Variants in BMP10 observed in about 807,000 individuals in gnomAD.
BMP10 encodes the protein bone morphogenetic protein 10.
Under a neutral mutation model 29.9 loss-of-function variants are expected in BMP10, and 9 were observed. That is an observed-to-expected ratio of 0.30 (90% confidence interval 0.18 to 0.53). The LOEUF (loss-of-function observed/expected upper bound fraction) is 0.53. Ranked by LOEUF, BMP10 falls within the 20% of genes least tolerant of loss-of-function variation. The probability of loss-of-function intolerance (pLI) is 0.96; values close to 1 mark genes in which losing one functional copy is unlikely to be tolerated. For synonymous variants in BMP10, 202 were observed against 200.2 expected (o/e 1.01, Z -0.07); for missense variants, 474 against 524.3 (o/e 0.90, Z 0.94).
intron 1 of BMP10, 68 bp from the exon 2 acceptor site, chr2:68,866,639 G>T: frequency 8.2e-7 from 1 of 1,216,966 alleles, no homozygotes; most frequent in Non-Finnish European, 1.1e-6. Flanking sequence ...GCTTATTTAT[G>T]TAATAAGAAG....
At chr2:68,867,609 G>A (rs1161075267) in intron 1 of BMP10, among the ~76,000 whole-genome samples, 1 of 152,140 alleles carries the variant, frequency 6.6e-6, no homozygotes, top group Non-Finnish European at 1.5e-5. Flanking sequence ...CAAAGCTCCT[G>A]CACACTTGCC....
rs768724792 is a variant in BMP10 at position 68,871,009 on chromosome 2, A to G, written c.334+16T>C. 1.2e-6 allele frequency: 2 copies of G among 1,601,298 alleles called. No individual in the cohort carries two copies. The highest frequency in any genetic ancestry group is 1.7e-6 in the Non-Finnish European group (2 of 1,171,018). ...TTGAAAAAAATCCTAGCAAAATTTC[A>G]TCAGCAAAAACTTACCTTCATTCTT... On this transcript the variant is annotated intron_variant, in intron 1 of 1. Coordinates refer to ENST00000295379, the MANE Select transcript of BMP10 (RefSeq NM_014482.3).
Position 68,861,924 on chromosome 2 carries a change from T to C in BMP10, c.*3707A>G, listed in dbSNP as rs78540119. On this transcript the variant is annotated 3_prime_UTR_variant, in exon 2 of 2. Transcript: ENST00000295379. ...AACATTTTTGACATTTACAAAGTAA[T>C]TGGTCCAATTACAAATGAATTTGAC... Among the ~76,000 whole-genome samples, 4,177 of 152,308 alleles carry C rather than the reference T, an allele frequency of 0.027. 187 individuals carry two copies. Among genetic ancestry groups the C allele is most frequent in the African/African-American group, 0.095 (3,942 of 41,550 alleles).
intron 1 of BMP10, among the ~76,000 whole-genome samples, chr2:68,867,011 G>C (rs567241259): frequency 6.6e-6 from 1 of 152,104 alleles, no homozygotes; most frequent in Non-Finnish European, 1.5e-5. Flanking sequence ...TTTAATATTT[G>C]TGTTTGTAGT....
At chr2:68,869,445 TTGTTTACTAAGAGATG>T (rs1172157185) in intron 1 of BMP10, among the ~76,000 whole-genome samples, 1 of 152,196 alleles carries the variant, frequency 6.6e-6, no homozygotes, top group African/African-American at 2.4e-5. Flanking sequence ...GGCGGCTGGG[TTGTTTACTAAGAGATG>T]TGTTCCTGCC....
intron 1 of BMP10, among the ~76,000 whole-genome samples, chr2:68,867,895 A>G (rs932053634): frequency 2.0e-5 from 2 of 102,472 alleles, no homozygotes; most frequent in African/African-American, 6.5e-5. Flanking sequence ...GAGAGATTTG[A>G]GGTGATATTT....
rs549976517 is a variant in BMP10 at position 68,864,869 on chromosome 2, C to T, written c.*762G>A. On this transcript the variant is annotated 3_prime_UTR_variant, in exon 2 of 2. Transcript: ENST00000295379. ...CTCCCAACCCCTCTACTCTCTGCAG[C>T]AGCAATGGCCAGTACTCATGGCCTT... 1.6e-4 allele frequency among the ~76,000 whole-genome samples: 24 copies of T among 152,282 alleles called. No individual in the cohort carries two copies. The highest frequency in any genetic ancestry group is 1.4e-3 in the Admixed American group (22 of 15,288).
Position 68,871,389 on chromosome 2 carries a change from G to A in BMP10, c.-31C>T. ...CGCTCGAGCTCCTAGGCCAAGCCAG[G>A]AAGGTTTAGCTTCCCTGGGCTCTAA... is the stretch of plus-strand genomic sequence containing the variant. On this transcript the variant is annotated 5_prime_UTR_variant, in exon 1 of 2. Transcript: ENST00000295379. The A allele has an allele frequency of 6.2e-7, 1 of 1,600,370 alleles. No individual in the cohort carries two copies. Among genetic ancestry groups the A allele is most frequent in the Non-Finnish European group, 8.5e-7 (1 of 1,172,000 alleles).
Position 68,866,208 on chromosome 2 carries a change from T to C in BMP10, c.698A>G (p.Asp233Gly), listed in dbSNP as rs1305280030. ...HIESKHDEAE[D>G]ASSGRLEIDT... ...TATTTCTAGCCGTCCACTGCTGGCA[T>C]CCTCAGCTTCATCGTGTTTGCTCTC... The change falls in exon 2 of 2, where the codon GAT becomes GGT. Residue 233 changes from aspartate (D) to glycine (G), a missense_variant. By Grantham distance (94) the Asp-to-Gly change is moderately conservative (BLOSUM62 -1). This residue lies in a region of BMP10 where 408 missense variants were observed against 415.3 expected (regional missense o/e 0.98). Coordinates refer to ENST00000295379, the MANE Select transcript of BMP10 (RefSeq NM_014482.3). 1.2e-6 allele frequency: 2 copies of C among 1,614,070 alleles called. No homozygotes were observed. The highest frequency in any genetic ancestry group is 1.7e-5 in the Admixed American group (1 of 59,994).
At chr2:68,870,251 A>C (rs1169271362) in intron 1 of BMP10, among the ~76,000 whole-genome samples, 2 of 152,208 alleles carry the variant, frequency 1.3e-5, no homozygotes, top group Admixed American at 6.5e-5. Flanking sequence ...TATTAACCAA[A>C]AAACAAACAA....
At chr2:68,870,870 A>G (rs1274937354) in intron 1 of BMP10, among the ~76,000 whole-genome samples, 155 bp downstream of exon 1, 1 of 152,322 alleles carries the variant, frequency 6.6e-6, no homozygotes. Flanking sequence ...TATAATTGGT[A>G]TAGAACAAAA....
At chr2:68,866,859 C>T (rs1260178712) in intron 1 of BMP10, among the ~76,000 whole-genome samples, 1 of 152,152 alleles carries the variant, frequency 6.6e-6, no homozygotes, top group African/African-American at 2.4e-5. Flanking sequence ...GCTCATCAGC[C>T]ACAGAATTAC....
rs147045696 is a variant in BMP10, at chr2:68,861,584, C to T, written c.*4047G>A. On this transcript the variant is annotated 3_prime_UTR_variant, in exon 2 of 2. Coordinates refer to ENST00000295379, the MANE Select transcript of BMP10 (RefSeq NM_014482.3). ...AGAACTGCAAAGGGTTGAGAATGAC[C>T]CACAGTGACTCTGAAAAGATCTACA... Among the ~76,000 whole-genome samples, 213 of 152,182 alleles carry T rather than the reference C, an allele frequency of 1.4e-3. No individual in the cohort carries two copies. Among genetic ancestry groups the T allele is most frequent in the Middle Eastern group, 0.014 (4 of 294 alleles).
rs7562387 is a variant in BMP10 at position 68,863,665 on chromosome 2, T to C, written c.*1966A>G. On this transcript the variant is annotated 3_prime_UTR_variant, in exon 2 of 2. Transcript: ENST00000295379. ...TGACGGTCAAAACACCACTCTTCCA[T>C]GAGCAATGAATTCCCCAGGATTCAC... Among the ~76,000 whole-genome samples, 12,992 of 152,184 alleles carry C rather than the reference T, an allele frequency of 0.085. 624 individuals carry two copies. Among genetic ancestry groups the C allele is most frequent in the African/African-American group, 0.13 (5,428 of 41,506 alleles).
At chr2:68,870,964 G>C in intron 1 of BMP10, 61 bp downstream of exon 1, 5 of 1,430,470 alleles carry the variant, frequency 3.5e-6, no homozygotes, top group Non-Finnish European at 4.9e-6. Context: ...CCCATGCATT[G>C]TAAATTTACT....
Position 68,865,629 on chromosome 2 carries a change from T to C in BMP10, c.*2A>G. 2.5e-6 allele frequency: 4 copies of C among 1,612,226 alleles called. No individual in the cohort carries two copies. Among genetic ancestry groups the C allele is most frequent in the Non-Finnish European group, 2.5e-6 (3 of 1,178,754 alleles). On this transcript the variant is annotated 3_prime_UTR_variant, in exon 2 of 2. Coordinates refer to ENST00000295379, the MANE Select transcript of BMP10 (RefSeq NM_014482.3). The surrounding 1 kb of genome is among the most constrained non-coding windows in gnomAD (Gnocchi z 4.7). Reference sequence around the variant, plus strand: ...TATTAAATAAGCCATAGGACTCTTCTTCTATCTACAGCCACATTCGGAGAC... The same window carrying C: ...TATTAAATAAGCCATAGGACTCTTCCTCTATCTACAGCCACATTCGGAGAC...
intron 1 of BMP10, among the ~76,000 whole-genome samples, chr2:68,866,785 A>G (rs1381561332): frequency 2.6e-5 from 4 of 152,242 alleles, no homozygotes; most frequent in Non-Finnish European, 4.4e-5. Flanking sequence ...TTCAGCTGCC[A>G]AGACTAAAAT....
rs145948305 is a variant in BMP10 at position 68,864,169 on chromosome 2, G to A, written c.*1462C>T. Among the ~76,000 whole-genome samples, 328 of 152,308 alleles carry A rather than the reference G, an allele frequency of 2.2e-3. 2 individuals are homozygous for A. The highest frequency in any genetic ancestry group is 7.6e-3 in the African/African-American group (314 of 41,562). On this transcript the variant is annotated 3_prime_UTR_variant, in exon 2 of 2. Coordinates refer to ENST00000295379, the MANE Select transcript of BMP10 (RefSeq NM_014482.3). ...GCAAAATGGGAAGATGGTAAGATGAGAAGATGGGAAAGTTACTGGGTTTCT... is the reference window on the plus strand; with the variant it reads ...GCAAAATGGGAAGATGGTAAGATGAAAAGATGGGAAAGTTACTGGGTTTCT...
At position 68,861,726 on chromosome 2, in the gene BMP10, T is replaced by C. The variant is rs1338358888; in HGVS notation, c.*3905A>G. 6.6e-6 allele frequency among the ~76,000 whole-genome samples: 1 copy of C among 152,214 alleles called. No individual in the cohort carries two copies. Among genetic ancestry groups the C allele is most frequent in the Non-Finnish European group, 1.5e-5 (1 of 68,040 alleles). ...CAAGTAAGAAGAATACATAAAATTC[T>C]CTTATATGAAAATATCTTTTACTTG... On this transcript the variant is annotated 3_prime_UTR_variant, in exon 2 of 2. Transcript: ENST00000295379.
Sources: gnomAD v4.1 joint callset for allele counts (sites outside exome capture counted in the v4.1 genomes callset) on GRCh38, gnomAD v4.1.1 for gene constraint, gnomAD v4.1.1 regional missense constraint, Gnocchi (gnomAD v3.1) non-coding constraint, MANE v1.5 for transcripts, NCBI Gene and HGNC (gene_info 2026-07-23, HGNC 2026-07-21) for gene names.